The following CHSY1 variants were observed in gnomAD, a reference collection of about 807,000 sequenced individuals.
CHSY1 encodes the protein chondroitin sulfate synthase 1.
In CHSY1, 13 loss-of-function variants were observed where a neutral mutation model predicts 59.8. That is an observed-to-expected ratio of 0.22 (90% CI 0.14 to 0.35). CHSY1 has a LOEUF of 0.35. Ranked by LOEUF, CHSY1 falls within the 10% of genes least tolerant of loss-of-function variation. The pLI is 1.00. For missense variants in CHSY1, 947 were observed against 1,030.6 expected (o/e 0.92, Z 1.11); for synonymous variants, 459 against 401.2 (o/e 1.14, Z -1.72).
intron 2 of CHSY1, among the ~76,000 whole-genome samples, chr15:101,202,946 T>C (rs11629952): frequency 0.024 from 3,695 of 152,256 alleles, 71 homozygotes; most frequent in Non-Finnish European, 0.038. Flanking sequence ...AAATTCCACA[T>C]TTCTTAAAAT....
chr15:101,195,101 A>G (rs1440782487), intron 2 of CHSY1, among the ~76,000 whole-genome samples: 2 of 152,202 alleles, frequency 1.3e-5, no homozygotes, highest in Non-Finnish European at 2.9e-5. Context: ...AACTATTTTT[A>G]AACCTTCTTT....
At chr15:101,211,406 C>T (rs1417477497) in intron 2 of CHSY1, among the ~76,000 whole-genome samples, 1 of 151,830 alleles carries the variant, frequency 6.6e-6, no homozygotes, top group Non-Finnish European at 1.5e-5. Context: ...GTGTGTCAGA[C>T]GGAAAAAATC....
At chr15:101,189,497 T>G (rs1458334360) in intron 2 of CHSY1, 1 of 985,190 alleles carries the variant, frequency 1.0e-6, no homozygotes, top group Admixed American at 6.1e-5. Flanking sequence ...ACAGGCCCAG[T>G]GCAGCCGGGT....
At chr15:101,233,856 A>G (rs550367885) in intron 2 of CHSY1, among the ~76,000 whole-genome samples, 1 of 152,378 alleles carries the variant, frequency 6.6e-6, no homozygotes, top group South Asian at 2.1e-4. Context: ...AGTACAGGCA[A>G]GAATACTGCT....
chr15:101,207,783 C>G (rs562355923), intron 2 of CHSY1, among the ~76,000 whole-genome samples: 1 of 152,190 alleles, frequency 6.6e-6, no homozygotes, highest in Non-Finnish European at 1.5e-5. Context: ...AATCTAGTAA[C>G]TAAAATTGAA....
chr15:101,181,399 A>T (rs2038276906), intron 2 of CHSY1, among the ~76,000 whole-genome samples: 1 of 152,214 alleles, frequency 6.6e-6, no homozygotes, highest in Admixed American at 6.5e-5. Flanking sequence ...AACAATGAAC[A>T]CGAAGAACCA....
chr15:101,199,757 G>A (rs543587364), intron 2 of CHSY1, among the ~76,000 whole-genome samples: 9 of 152,270 alleles, frequency 5.9e-5, no homozygotes, highest in East Asian at 5.8e-4. Context: ...GAAACACGAC[G>A]CACCAGATTC....
In CHSY1 at chr15:101,180,711, G is replaced by C. The variant is rs560011216; in HGVS notation, c.817-1731C>G. Among the ~76,000 whole-genome samples, 5 of 152,302 alleles carry C rather than the reference G, an allele frequency of 3.3e-5. No homozygotes were observed. In the East Asian group the frequency reaches 7.7e-4, roughly 23 times the overall value. On this transcript the variant is annotated intron_variant, in intron 2 of 2. Coordinates refer to ENST00000254190, the MANE Select transcript of CHSY1 (RefSeq NM_014918.5). ...AGAAGGCAGTAGGCGACTGGCACCGGGACTCCTTCAAGCCCTGATGGGCGG... is the reference window on the plus strand; with the variant it reads ...AGAAGGCAGTAGGCGACTGGCACCGCGACTCCTTCAAGCCCTGATGGGCGG...
chr15:101,242,792 G>A (rs576010379), intron 1 of CHSY1, among the ~76,000 whole-genome samples: 4 of 152,320 alleles, frequency 2.6e-5, no homozygotes, highest in Non-Finnish European at 5.9e-5. Flanking sequence ...TGCAGCAAAT[G>A]CATTCAGCTG....
intron 2 of CHSY1, among the ~76,000 whole-genome samples, chr15:101,231,900 C>T (rs1209393355): frequency 6.6e-6 from 1 of 152,204 alleles, no homozygotes; most frequent in Non-Finnish European, 1.5e-5. Flanking sequence ...ATTGCTGACA[C>T]CATGTGGCAA....
At chr15:101,187,880 T>C (rs1462186016) in intron 2 of CHSY1, 1 of 263,386 alleles carries the variant, frequency 3.8e-6, no homozygotes, top group East Asian at 1.8e-4. Context: ...TCTGCGTCAT[T>C]CTCCAGTGAA....
Position 101,184,064 on chromosome 15 carries a change from C to T in CHSY1, c.817-5084G>A, listed in dbSNP as rs985640827. Among the ~76,000 whole-genome samples, 8 of 152,318 alleles carry T rather than the reference C, an allele frequency of 5.3e-5. No individual in the cohort carries two copies. In the South Asian group the frequency reaches 6.2e-4, roughly 12 times the overall value. ...TGTGACTGCACACTTTATTCCTGGC[C>T]GTCCATACCCCACACAGGGAGGGCG... On this transcript the variant is annotated intron_variant, in intron 2 of 2. Transcript: ENST00000254190.
chr15:101,227,305 T>C lies in CHSY1; in HGVS notation c.816+7777A>G, dbSNP rs181222441. ...TGTCATTATCTGACCTATCTGGTGGTTCCCTGGAAGACCTTGCAATGTTGT... is the reference window on the plus strand; with the variant it reads ...TGTCATTATCTGACCTATCTGGTGGCTCCCTGGAAGACCTTGCAATGTTGT... On this transcript the variant is annotated intron_variant, in intron 2 of 2. Coordinates refer to ENST00000254190, the MANE Select transcript of CHSY1 (RefSeq NM_014918.5). Among the ~76,000 whole-genome samples the C allele has an allele frequency of 1.8e-4, 28 of 152,166 alleles. No homozygotes were observed. The East Asian group carries it at 2.7e-3, about 15-fold the overall frequency.
At chr15:101,209,862 T>C (rs1346214899) in intron 2 of CHSY1, among the ~76,000 whole-genome samples, 2 of 152,230 alleles carry the variant, frequency 1.3e-5, no homozygotes, top group Non-Finnish European at 2.9e-5. Context: ...GGCATGTGAC[T>C]GATCTGTACT....
chr15:101,204,485 G>A (rs981828744), intron 2 of CHSY1, among the ~76,000 whole-genome samples: 19 of 150,340 alleles, frequency 1.3e-4, no homozygotes, highest in African/African-American at 4.6e-4. Flanking sequence ...CACTTATAGA[G>A]AAAATGATAA....
chr15:101,235,989 A>C (rs151293192), intron 1 of CHSY1, among the ~76,000 whole-genome samples: 227 of 152,348 alleles, frequency 1.5e-3, no homozygotes, highest in Middle Eastern at 0.01. Flanking sequence ...GTATGTGCTA[A>C]GCTAAAGGGA....
At chr15:101,249,762 G>A (rs917853872) in intron 1 of CHSY1, among the ~76,000 whole-genome samples, 3 of 152,106 alleles carry the variant, frequency 2.0e-5, no homozygotes, top group East Asian at 1.9e-4. Flanking sequence ...CGATCCGCCC[G>A]CCTCGGCCTC....
chr15:101,213,790 G>A (rs533852858), intron 2 of CHSY1, among the ~76,000 whole-genome samples: 2 of 152,178 alleles, frequency 1.3e-5, no homozygotes, highest in Non-Finnish European at 2.9e-5. Context: ...ACGAAGAAAA[G>A]CAAACTCCCA....
At chr15:101,246,840 T>G (rs754607403) in intron 1 of CHSY1, among the ~76,000 whole-genome samples, 49 of 151,824 alleles carry the variant, frequency 3.2e-4, no homozygotes, top group Non-Finnish European at 5.4e-4. Context: ...CATGAACATT[T>G]CCCTTCCATA....
Sources: gnomAD v4.1 joint callset for allele counts (sites outside exome capture counted in the v4.1 genomes callset) on GRCh38, gnomAD v4.1.1 for gene constraint, MANE v1.5 for transcripts, NCBI Gene and HGNC (gene_info 2026-07-23, HGNC 2026-07-21) for gene names.